CPD: variants seen among roughly 807,000 people sequenced by gnomAD.
CPD encodes the protein carboxypeptidase D.
A neutral mutation model predicts 138.3 loss-of-function variants in CPD; 69 were observed. The observed-to-expected ratio is 0.50, with a 90% confidence interval of 0.41 to 0.61. The LOEUF is 0.61. CPD is among the 20% of genes least tolerant of loss of function. The pLI is 0.00. For missense variants in CPD, 1,432 were observed against 1,733.3 expected, an observed-to-expected ratio of 0.83 and a Z score of 3.09; for synonymous variants, 651 against 642.1, an observed-to-expected ratio of 1.01 and a Z score of -0.21.
At chr17:30,454,022 C>T (rs1913230179) in intron 14 of CPD, 1 of 152,212 alleles carries the variant, frequency 6.6e-6, no homozygotes, top group Non-Finnish European at 1.5e-5. Flanking sequence ...TCCTCCTGGG[C>T]CTCCAGGCCT....
At chr17:30,418,106 C>G (rs1471026319) in intron 2 of CPD, among the ~76,000 whole-genome samples, 1 of 152,138 alleles carries the variant, frequency 6.6e-6, no homozygotes, top group Non-Finnish European at 1.5e-5. Context: ...CCCCAAGAAG[C>G]CTTTATAGAT....
At chr17:30,386,229 G>C (rs1911182669) in intron 2 of CPD, among the ~76,000 whole-genome samples, 1 of 151,984 alleles carries the variant, frequency 6.6e-6, no homozygotes, top group Non-Finnish European at 1.5e-5. Flanking sequence ...GGGTATCGCT[G>C]TGTTGCCGAG....
intron 1 of CPD, among the ~76,000 whole-genome samples, chr17:30,382,638 T>C (rs1911078205): frequency 6.6e-6 from 1 of 152,238 alleles, no homozygotes; most frequent in South Asian, 2.1e-4. Flanking sequence ...ATTTCATTGT[T>C]CAAAAGTATT....
intron 2 of CPD, among the ~76,000 whole-genome samples, chr17:30,417,456 T>C (rs1460297347): frequency 2.0e-5 from 3 of 152,178 alleles, no homozygotes; most frequent in African/African-American, 7.2e-5. Context: ...TATTTCTGTC[T>C]AAATATTCTA....
intron 14 of CPD, chr17:30,454,802 G>A (rs1196038841): frequency 6.5e-6 from 1 of 152,810 alleles, no homozygotes; most frequent in Non-Finnish European, 1.5e-5. Context: ...TTCTTACATG[G>A]CAGTGGCAAG....
In CPD at chr17:30,431,693, G is replaced by A. The variant is rs1181531005; in HGVS notation, c.2018-79G>A. ...AAATTTTATTGTTTTCTCTTCTCTG[G>A]CAGTATTCTGAAAAGCTTTATGTTA... On this transcript the variant is annotated intron_variant, in intron 7 of 20. Coordinates refer to ENST00000225719, the MANE Select transcript of CPD (RefSeq NM_001304.5). The A allele has an allele frequency of 3.1e-5, 28 of 898,556 alleles. No individual in the cohort carries two copies. The Admixed American group carries it at 3.8e-4, about 12-fold the overall frequency. The allele number at this position is 898,556 out of a possible 1,614,324, so 55.7% of individuals were successfully genotyped here.
Position 30,419,739 on chromosome 17 carries a change from G to T in CPD, c.995-1102G>T, listed in dbSNP as rs184603627. Among the ~76,000 whole-genome samples the T allele has an allele frequency of 1.6e-3, 241 of 152,300 alleles. 1 individual carries two copies. Among genetic ancestry groups the T allele is most frequent in the African/African-American group, 5.7e-3 (235 of 41,568 alleles). ...CTTTGCATATAAATAAATAAATAAA[G>T]ACCCATGTTAATGCCAAAGGGAGTG... On this transcript the variant is annotated intron_variant, in intron 2 of 20. Coordinates refer to ENST00000225719, the MANE Select transcript of CPD (RefSeq NM_001304.5).
intron 2 of CPD, among the ~76,000 whole-genome samples, chr17:30,388,386 A>G (rs914248671): frequency 2.0e-4 from 30 of 152,110 alleles, no homozygotes; most frequent in Admixed American, 1.3e-4. Context: ...TGCTCGTGCT[A>G]AGGGGCACCT....
Position 30,379,442 on chromosome 17 carries a change from C to A in CPD, c.462C>A (p.Arg154=). The A allele has an allele frequency of 6.4e-7, 1 of 1,569,342 alleles. No homozygotes were observed. The highest frequency in any genetic ancestry group is 8.6e-7 in the Non-Finnish European group (1 of 1,165,776). ...VSRQVLIYLA[R]ELAAGYRRGD... ...GCCAGGTGTTGATCTACTTGGCCCGCGAGCTGGCGGCCGGCTACCGCCGCG... is the reference window on the plus strand; with the variant it reads ...GCCAGGTGTTGATCTACTTGGCCCGAGAGCTGGCGGCCGGCTACCGCCGCG... The change falls in exon 1 of 21, where the codon CGC becomes CGA. Residue 154 remains arginine (R), a synonymous_variant. Coordinates refer to ENST00000225719, the MANE Select transcript of CPD (RefSeq NM_001304.5). This position sits in a 1 kb window ranked among gnomAD's most constrained non-coding sequence, Gnocchi z 7.0.
chr17:30,449,510 T>C, intron 12 of CPD, 43 bp from the exon 13 acceptor site: 1 of 1,509,248 alleles, frequency 6.6e-7, no homozygotes, highest in Middle Eastern at 1.7e-4. Context: ...ATTAACATAG[T>C]GCTTGATTAC....
intron 2 of CPD, among the ~76,000 whole-genome samples, chr17:30,403,557 A>C (rs764483018): frequency 6.6e-6 from 1 of 152,234 alleles, no homozygotes; most frequent in Non-Finnish European, 1.5e-5. Context: ...ATTTGTTATC[A>C]GTGAAATACA....
chr17:30,435,931 C>T (rs908628375), intron 8 of CPD, among the ~76,000 whole-genome samples: 2 of 152,152 alleles, frequency 1.3e-5, no homozygotes, highest in African/African-American at 4.8e-5. Context: ...CATCATCACA[C>T]GGCATTCTCC....
At position 30,469,962 on chromosome 17, in the gene CPD, G is replaced by A. The variant is rs947236094; in HGVS notation, c.*5148G>A. The stretch of plus-strand genomic sequence containing the variant: ...GATTTATAATAGCTGATTGTTCTCA[G>A]CAAATTAAACATGATGGTCAACGCT... On this transcript the variant is annotated 3_prime_UTR_variant, in exon 21 of 21. Transcript: ENST00000225719. The A allele has an allele frequency of 1.3e-5, 2 of 151,996 alleles. No individual in the cohort carries two copies. Among genetic ancestry groups the A allele is most frequent in the Non-Finnish European group, 2.9e-5 (2 of 67,996 alleles). The allele number at this position is 151,996 out of a possible 1,614,324, so 9.4% of individuals were successfully genotyped here.
intron 2 of CPD, among the ~76,000 whole-genome samples, chr17:30,406,275 C>G (rs894637646): frequency 6.6e-6 from 1 of 151,674 alleles, no homozygotes; most frequent in African/African-American, 2.4e-5. Flanking sequence ...TCTATAAGAC[C>G]TAAAATAAAA....
In CPD at chr17:30,421,788, G is replaced by T. The variant is rs1912274159; in HGVS notation, c.1262G>T (p.Arg421Leu). 2 of 1,613,530 alleles carry T rather than the reference G, an allele frequency of 1.2e-6. No homozygotes were observed. Among genetic ancestry groups the T allele is most frequent in the Admixed American group, 3.3e-5 (2 of 59,978 alleles). Reference protein sequence around the residue: ...ITTGRFGDFYRLLVPGTYNLT... With the variant: ...ITTGRFGDFYLLLVPGTYNLT... ...ACAGGCAGATTTGGTGATTTCTACC[G>T]ATTACTTGTTCCTGGAACTTACAAC... The change falls in exon 4 of 21, where the codon CGA becomes CTA. Residue 421 changes from arginine (R) to leucine (L), a missense_variant. This residue lies in a region of CPD where 160 missense variants were observed against 197.9 expected (regional missense o/e 0.81). Transcript: ENST00000225719.
In CPD at chr17:30,465,482, GC is replaced by G. The variant is rs1433862758; in HGVS notation, c.*671del. ...TTAAGGTTTAGCAAACTTCTAAATA[GC>G]CCATTTTAAGGGAGAACTTACTAAC... is the stretch of plus-strand genomic sequence containing the variant. On this transcript the variant is annotated 3_prime_UTR_variant, in exon 21 of 21. Transcript: ENST00000225719. 2.6e-5 allele frequency: 4 copies of G among 152,580 alleles called. No homozygotes were observed. Among genetic ancestry groups the G allele is most frequent in the Non-Finnish European group, 5.9e-5 (4 of 68,040 alleles). The allele number at this position is 152,580 out of a possible 1,614,324, so 9.5% of individuals were successfully genotyped here.
intron 2 of CPD, among the ~76,000 whole-genome samples, chr17:30,412,045 G>C (rs1201291208): frequency 6.6e-6 from 1 of 152,124 alleles, no homozygotes; most frequent in East Asian, 1.9e-4. Context: ...TGGGGTTTTG[G>C]TGTGGATGTC....
At chr17:30,413,010 C>G (rs538044448) in intron 2 of CPD, among the ~76,000 whole-genome samples, 1 of 152,094 alleles carries the variant, frequency 6.6e-6, no homozygotes, top group African/African-American at 2.4e-5. Flanking sequence ...TGTTCCTATT[C>G]GGCCATCTTG....
intron 14 of CPD, 132 bp downstream of exon 14, chr17:30,451,978 G>A (rs1272415707): frequency 1.3e-6 from 1 of 796,758 alleles, no homozygotes; most frequent in Non-Finnish European, 1.8e-6. Context: ...AGGTATAAAT[G>A]AATTCAGACA....
Sources: allele counts gnomAD v4.1 joint callset (sites outside exome capture counted in the v4.1 genomes callset), GRCh38; gene constraint gnomAD v4.1.1; regional missense constraint gnomAD v4.1.1; non-coding constraint Gnocchi (gnomAD v3.1); transcripts MANE v1.5; gene names NCBI Gene and HGNC (gene_info 2026-07-23, HGNC 2026-07-21).